IL15RA: variants seen among roughly 807,000 people sequenced by gnomAD.
IL15RA encodes interleukin 15 receptor subunit alpha.
IL15RA carries 26 observed loss-of-function variants against 24.2 expected under a neutral mutation model. The ratio of observed to expected loss-of-function variants is 1.07; its 90% CI spans 0.79 to 1.49. The LOEUF (loss-of-function observed/expected upper bound fraction) is 1.49. Ranked by LOEUF, IL15RA falls within the 40% of genes most tolerant of loss-of-function variation. The pLI is 0.00. For missense variants in IL15RA, 354 were observed against 356.4 expected (o/e 0.99, Z 0.05); for synonymous variants, 166 against 157.6 (o/e 1.05, Z -0.40).
chr10:5,948,972 A>G (rs555939714), downstream of IL15RA: 4 of 302,860 alleles, frequency 1.3e-5, no homozygotes, highest in Admixed American at 1.6e-4. Context: ...TAATGTGTAG[A>G]TATAACAGAC....
chr10:5,974,153 C>G (rs999437886), intron 1 of IL15RA, among the ~76,000 whole-genome samples: 4 of 152,166 alleles, frequency 2.6e-5, no homozygotes, highest in African/African-American at 4.8e-5. Flanking sequence ...GCATGGGCTA[C>G]CACAGCTGGC....
Position 5,958,193 on chromosome 10 carries a change from A to G in IL15RA, c.616+1561T>C, listed in dbSNP as rs8177711. ...GATGAGATGGTTTTTGTGTCCTGAT[A>G]TGGGAGGATCTACAAGGTATACCAG... On this transcript the variant is annotated intron_variant, in intron 5 of 6. Coordinates refer to ENST00000379977, the MANE Select transcript of IL15RA (RefSeq NM_002189.4). The surrounding 1 kb of genome is among the most constrained non-coding windows in gnomAD (Gnocchi z 4.3). The G allele has an allele frequency of 9.6e-4, 356 of 371,108 alleles. 1 individual carries two copies. The highest frequency in any genetic ancestry group is 6.9e-3 in the African/African-American group (326 of 47,544). 23.0% of individuals were successfully genotyped at this position (371,108 alleles called of 1,614,324 possible). A position where few individuals can be genotyped will look rare whatever the true frequency, so the allele number is the denominator to read the frequency against.
Position 5,971,548 on chromosome 10 carries a change from G to T in IL15RA, c.89-5209C>A, listed in dbSNP as rs772921893. Among the ~76,000 whole-genome samples the T allele has an allele frequency of 6.6e-6, 1 of 152,166 alleles. No homozygotes were observed. Among genetic ancestry groups the T allele is most frequent in the Non-Finnish European group, 1.5e-5 (1 of 68,020 alleles). On this transcript the variant is annotated intron_variant, in intron 1 of 6. Transcript: ENST00000379977. The surrounding 1 kb of genome is among the most constrained non-coding windows in gnomAD (Gnocchi z 5.5). ...CAATCCTGTGAGCAGAGTCAGAATG[G>T]ACTCCAACATTCCCCTCGCTTACAG...
chr10:5,954,627 A>G (rs1834276903), intron 6 of IL15RA, among the ~76,000 whole-genome samples: 1 of 151,986 alleles, frequency 6.6e-6, no homozygotes, highest in Non-Finnish European at 1.5e-5. Context: ...AAATATTGCT[A>G]TTTTCCTCTT....
In IL15RA at chr10:5,964,958, G is replaced by A. The variant is rs964273122; in HGVS notation, c.284-1117C>T. ...CTTCCCTCTGCTGCCTGTGTGACTC[G>A]CTCTGTTCTGGGGGAGGAGGCTGAG... On this transcript the variant is annotated intron_variant, in intron 2 of 6. Coordinates refer to ENST00000379977, the MANE Select transcript of IL15RA (RefSeq NM_002189.4). The surrounding 1 kb of genome is among the most constrained non-coding windows in gnomAD (Gnocchi z 5.6). Among the ~76,000 whole-genome samples, 3 of 152,210 alleles carry A rather than the reference G, an allele frequency of 2.0e-5. No homozygotes were observed. Among genetic ancestry groups the A allele is most frequent in the Non-Finnish European group, 4.4e-5 (3 of 68,046 alleles).
chr10:5,969,066 C>G (rs563306965), intron 1 of IL15RA: 1 of 1,155,574 alleles, frequency 8.7e-7, no homozygotes, highest in African/African-American at 1.5e-5. Context: ...TCGATTCCAT[C>G]GATCTATGTG....
chr10:5,960,768 G>T lies in IL15RA; in HGVS notation c.383-201C>A, dbSNP rs560426934. On this transcript the variant is annotated intron_variant, in intron 3 of 6. Transcript: ENST00000379977. This position sits in a 1 kb window ranked among gnomAD's most constrained non-coding sequence, Gnocchi z 5.1. ...ACCTGTGAAAACACTAAAGAACATG[G>T]CTACTATCACGGCACGTATAAAGAA... is the stretch of plus-strand genomic sequence containing the variant. 1.3e-5 allele frequency among the ~76,000 whole-genome samples: 2 copies of T among 152,216 alleles called. No individual in the cohort carries two copies. Among genetic ancestry groups the T allele is most frequent in the South Asian group, 4.2e-4 (2 of 4,814 alleles).
In IL15RA at chr10:5,973,275, T is replaced by C. The variant is rs1448688417; in HGVS notation, c.88+4130A>G. Among the ~76,000 whole-genome samples, 4 of 152,230 alleles carry C rather than the reference T, an allele frequency of 2.6e-5. No homozygotes were observed. Among genetic ancestry groups the C allele is most frequent in the African/African-American group, 9.7e-5 (4 of 41,448 alleles). On this transcript the variant is annotated intron_variant, in intron 1 of 6. Transcript: ENST00000379977. The surrounding 1 kb of genome is among the most constrained non-coding windows in gnomAD (Gnocchi z 4.5). ...TGATTTGTCCAACCCATGAACATGG[T>C]ATATCTCTCCATTGATTTTGTTCCT...
At position 5,966,236 on chromosome 10, in the gene IL15RA, C is replaced by T. The variant is rs1458407732; in HGVS notation, c.192G>A (p.Lys64=). ...TCAGGCTGGACGTGCCGGCTTTACG[C>T]TTGAAACCAGAGTTACAAATGTACC... ...RERYICNSGF[K]RKAGTSSLTE... Residue 64 remains lysine, a synonymous_variant, in exon 2 of 7, where the codon AAG becomes AAA. Transcript: ENST00000379977. The surrounding 1 kb of genome is among the most constrained non-coding windows in gnomAD (Gnocchi z 6.4). The T allele has an allele frequency of 1.2e-6, 2 of 1,614,166 alleles. No homozygotes were observed. The highest frequency in any genetic ancestry group is 1.7e-4 in the Middle Eastern group (1 of 6,060).
rs951145818 is a variant in IL15RA at position 5,960,229 on chromosome 10, G to C, written c.583+138C>G. 1.2e-6 allele frequency: 1 copy of C among 818,468 alleles called. No individual in the cohort carries two copies. 50.7% of individuals were successfully genotyped at this position (818,468 alleles called of 1,614,324 possible). On this transcript the variant is annotated intron_variant, in intron 4 of 6. Coordinates refer to ENST00000379977, the MANE Select transcript of IL15RA (RefSeq NM_002189.4). This position sits in a 1 kb window ranked among gnomAD's most constrained non-coding sequence, Gnocchi z 5.1. The stretch of plus-strand genomic sequence containing the variant: ...AGGTCAGGCCAGGACGCCGTGGCTG[G>C]TGGCCGGGGCCAGCAGGCTGCCCAG...
upstream of IL15RA, chr10:5,977,587 G>T (rs1369074977): frequency 3.2e-6 from 4 of 1,255,890 alleles, no homozygotes; most frequent in Non-Finnish European, 3.0e-6. Flanking sequence ...CTGCCGCCCC[G>T]CCAGTCGCAT....
In IL15RA at chr10:5,953,143, C is replaced by T. The variant is rs1834031161; in HGVS notation, c.756G>A (p.Gly252=). Residue 252 remains glycine (G), a synonymous_variant, in exon 7 of 7, where the codon GGG becomes GGA. Transcript: ENST00000379977. This position sits in a 1 kb window ranked among gnomAD's most constrained non-coding sequence, Gnocchi z 5.3. The stretch of plus-strand genomic sequence containing the variant: ...CCAAGTCTTCATCTCTGCTGCTGGT[C>T]CCCCAAGTCACCGGCAGAGCCTCCA... ...EAMEALPVTW[G]TSSRDEDLEN... is the part of the protein sequence containing the mutation. 6.2e-7 allele frequency: 1 copy of T among 1,614,172 alleles called. No individual in the cohort carries two copies.
Position 5,953,396 on chromosome 10 carries a change from C to T in IL15RA, c.693-190G>A. 2.8e-6 allele frequency: 2 copies of T among 710,874 alleles called. No homozygotes were observed. Among genetic ancestry groups the T allele is most frequent in the Admixed American group, 4.0e-5 (2 of 49,992 alleles). The allele number at this position is 710,874 out of a possible 1,614,324, so 44.0% of individuals were successfully genotyped here. A position where few individuals can be genotyped will look rare whatever the true frequency, so the allele number is the denominator to read the frequency against. The stretch of plus-strand genomic sequence containing the variant: ...AGAGAACCTAGAATGCCTACCTCTA[C>T]CGAGTGTATTAAATCCTATCTAGGG... On this transcript the variant is annotated intron_variant, in intron 6 of 6. Transcript: ENST00000379977. This position sits in a 1 kb window ranked among gnomAD's most constrained non-coding sequence, Gnocchi z 5.3.
intron 5 of IL15RA, among the ~76,000 whole-genome samples, chr10:5,957,686 G>C (rs1462046111): frequency 6.8e-6 from 1 of 146,508 alleles, no homozygotes; most frequent in African/African-American, 2.6e-5. Flanking sequence ...CCCCCTCCCA[G>C]GTTCAAACGA....
Position 5,958,273 on chromosome 10 carries a change from T to C in IL15RA, c.616+1481A>G, listed in dbSNP as rs558528653. The stretch of plus-strand genomic sequence containing the variant: ...GAGAAAAGAAGCAACTGTCCAGCAT[T>C]CCTTATCCTCTATATGTTTATTTAT... On this transcript the variant is annotated intron_variant, in intron 5 of 6. Coordinates refer to ENST00000379977, the MANE Select transcript of IL15RA (RefSeq NM_002189.4). This position sits in a 1 kb window ranked among gnomAD's most constrained non-coding sequence, Gnocchi z 4.3. 60 of 452,342 alleles carry C rather than the reference T, an allele frequency of 1.3e-4. No homozygotes were observed. Among genetic ancestry groups the C allele is most frequent in the African/African-American group, 1.1e-3 (56 of 50,102 alleles). The allele number at this position is 452,342 out of a possible 1,614,324, so 28.0% of individuals were successfully genotyped here.
At position 5,966,686 on chromosome 10, in the gene IL15RA, TG is replaced by T. The variant is rs1394789885; in HGVS notation, c.89-348del. 1.3e-5 allele frequency among the ~76,000 whole-genome samples: 2 copies of T among 152,090 alleles called. No individual in the cohort carries two copies. Among genetic ancestry groups the T allele is most frequent in the African/African-American group, 4.8e-5 (2 of 41,430 alleles). On this transcript the variant is annotated intron_variant, in intron 1 of 6. Transcript: ENST00000379977. This position sits in a 1 kb window ranked among gnomAD's most constrained non-coding sequence, Gnocchi z 6.4. ...CGTGGACCCAGCCTCCAATTCTCAC[TG>T]AACGACAGCAAGTGCCTCCAGATAG... is the stretch of plus-strand genomic sequence containing the variant.
chr10:5,953,788 A>C lies in IL15RA; in HGVS notation c.693-582T>G. 1 of 171,758 alleles carries C rather than the reference A, an allele frequency of 5.8e-6. No individual in the cohort carries two copies. Among genetic ancestry groups the C allele is most frequent in the East Asian group, 1.5e-4 (1 of 6,456 alleles). The allele number at this position is 171,758 out of a possible 1,614,324, so 10.6% of individuals were successfully genotyped here. The stretch of plus-strand genomic sequence containing the variant: ...GCACTTAGTATGTGTGAAATAAATA[A>C]AGAAATACACAAATCAATCAGCTCC... On this transcript the variant is annotated intron_variant, in intron 6 of 6. Coordinates refer to ENST00000379977, the MANE Select transcript of IL15RA (RefSeq NM_002189.4). The surrounding 1 kb of genome is among the most constrained non-coding windows in gnomAD (Gnocchi z 5.3).
In IL15RA at chr10:5,975,911, G is replaced by GAAAGAA. The variant is rs1021823746; in HGVS notation, c.88+1488_88+1493dup. On this transcript the variant is annotated intron_variant, in intron 1 of 6. Transcript: ENST00000379977. The surrounding 1 kb of genome is among the most constrained non-coding windows in gnomAD (Gnocchi z 4.8). ...CCGTCTCAAAAAAGAAAACAAGAAA[G>GAAAGAA]AAAGAAAAAGAAAAAGAAAAAACAT... Among the ~76,000 whole-genome samples, 5 of 151,940 alleles carry GAAAGAA rather than the reference G, an allele frequency of 3.3e-5. No individual in the cohort carries two copies. Among genetic ancestry groups the GAAAGAA allele is most frequent in the Admixed American group, 6.6e-5 (1 of 15,234 alleles).
rs971902606 is a variant in IL15RA at position 5,962,295 on chromosome 10, T to C, written c.382+1448A>G. On this transcript the variant is annotated intron_variant, in intron 3 of 6. Transcript: ENST00000379977. The surrounding 1 kb of genome is among the most constrained non-coding windows in gnomAD (Gnocchi z 5.2). Reference sequence around the variant, plus strand: ...GATGCAGGCCTCAGCCTTGGCCACTTAAGAACCACCTGTGGGCTGGGTGCA... The same window carrying C: ...GATGCAGGCCTCAGCCTTGGCCACTCAAGAACCACCTGTGGGCTGGGTGCA... Among the ~76,000 whole-genome samples the C allele has an allele frequency of 2.0e-5, 3 of 152,110 alleles. No individual in the cohort carries two copies. Among genetic ancestry groups the C allele is most frequent in the African/African-American group, 7.2e-5 (3 of 41,420 alleles).
Sources: gnomAD v4.1 joint callset for allele counts (sites outside exome capture counted in the v4.1 genomes callset) on GRCh38, gnomAD v4.1.1 for gene constraint, Gnocchi (gnomAD v3.1) non-coding constraint, MANE v1.5 for transcripts, NCBI Gene and HGNC (gene_info 2026-07-23, HGNC 2026-07-21) for gene names.